The following RGS18 variants were observed in gnomAD, a reference collection of about 807,000 sequenced individuals.
The protein encoded by RGS18 is regulator of G-protein signaling 18.
Under a neutral mutation model 27.6 loss-of-function variants are expected in RGS18, and 22 were observed. The observed-to-expected ratio is 0.80, with a 90% CI of 0.57 to 1.14. The LOEUF (loss-of-function observed/expected upper bound fraction) is 1.14, where lower values mean the gene tolerates loss of function less well. Among genes scored for constraint, RGS18 ranks in the 50% most tolerant of loss-of-function variants. The probability of loss-of-function intolerance (pLI) is 0.00; values close to 1 mark genes in which losing one functional copy is unlikely to be tolerated. For missense variants in RGS18, 299 were observed against 269.6 expected, an observed-to-expected ratio of 1.11 and a Z score of -0.76; for synonymous variants, 89 against 84.6, an observed-to-expected ratio of 1.05 and a Z score of -0.29.
rs1366515289 is a variant in RGS18 at position 192,160,891 on chromosome 1, C to G, written c.283+452C>G. 2.6e-5 allele frequency among the ~76,000 whole-genome samples: 4 copies of G among 152,138 alleles called. No individual in the cohort carries two copies. The South Asian group carries it at 6.2e-4, about 24-fold the overall frequency. On this transcript the variant is annotated intron_variant, in intron 3 of 4. Transcript: ENST00000367460. Reference sequence around the variant, plus strand: ...GTTTTGAGACGGAGTCTCGCTTTGTCGCCCAGGCTGGAGTGCAGTGGCGCC... The same window carrying G: ...GTTTTGAGACGGAGTCTCGCTTTGTGGCCCAGGCTGGAGTGCAGTGGCGCC...
At chr1:192,178,521 TGAG>T (rs1254416897) in intron 3 of RGS18, among the ~76,000 whole-genome samples, 1 of 151,614 alleles carries the variant, frequency 6.6e-6, no homozygotes, top group Non-Finnish European at 1.5e-5. Flanking sequence ...TAGCTGCCAT[TGAG>T]GAGAATTACA....
chr1:192,158,591 T>A lies in RGS18; in HGVS notation c.-47T>A, dbSNP rs778519472. 3.4e-5 allele frequency: 50 copies of A among 1,465,188 alleles called. No individual in the cohort carries two copies. The Admixed American group carries it at 1.2e-3, about 35-fold the overall frequency. 90.8% of individuals were successfully genotyped at this position (1,465,188 alleles called of 1,614,324 possible). On this transcript the variant is annotated 5_prime_UTR_variant, in exon 1 of 5. The change abolishes the stop of an existing upstream ORF in the 5' untranslated region. Transcript: ENST00000367460. ...TATGGAATAGTATTAATAAATGAAC[T>A]AGGGAAGGATGTAATAAATTAGACA...
chr1:192,181,787 C>A (rs1215150082), intron 4 of RGS18, among the ~76,000 whole-genome samples: 14 of 151,470 alleles, frequency 9.2e-5, no homozygotes. Flanking sequence ...TAATATAACA[C>A]CAGAACTTAT....
At position 192,184,279 on chromosome 1, in the gene RGS18, T is replaced by G. The variant is rs2102162583; in HGVS notation, c.451-18T>G. 1 of 1,599,592 alleles carries G rather than the reference T, an allele frequency of 6.3e-7. No individual in the cohort carries two copies. Among genetic ancestry groups the G allele is most frequent in the East Asian group, 2.3e-5 (1 of 44,432 alleles). ...TAAGCATATTAACTATAATCACACT[T>G]TTTTTCTGTTTATCCAGGTTAACCT... is the stretch of plus-strand genomic sequence containing the variant. On this transcript the variant is annotated intron_variant, in intron 4 of 4. Coordinates refer to ENST00000367460, the MANE Select transcript of RGS18 (RefSeq NM_130782.3).
intron 3 of RGS18, among the ~76,000 whole-genome samples, chr1:192,179,816 G>A (rs1656419944): frequency 6.6e-6 from 1 of 151,488 alleles, no homozygotes; most frequent in African/African-American, 2.4e-5. Flanking sequence ...TTACATGTGG[G>A]GAGATGTAAA....
intron 4 of RGS18, 78 bp from the exon 5 acceptor site, chr1:192,184,219 C>A: frequency 7.5e-7 from 1 of 1,332,076 alleles, no homozygotes; most frequent in East Asian, 2.4e-5. Context: ...TCCAACATTG[C>A]ATCAGTCCTG....
intron 3 of RGS18, among the ~76,000 whole-genome samples, chr1:192,165,626 A>T (rs1200243651): frequency 6.6e-6 from 1 of 152,242 alleles, no homozygotes; most frequent in African/African-American, 2.4e-5. Flanking sequence ...ACTTAGGGAA[A>T]ATAGAAAAGA....
rs1656027697 is a variant in RGS18 at position 192,159,226 on chromosome 1, G to A, written c.126G>A (p.Lys42=). The change falls in exon 2 of 5, where the codon AAG becomes AAA. Residue 42 remains lysine (K), a synonymous_variant. Transcript: ENST00000367460. ...ETSKEAKIRA[K]EKRNRLSLLV... Reference sequence around the variant, plus strand: ...GAAGGCCTTTTTATTACAGAGCTAAGGAAAAAAGAAATAGACTAAGTCTTC... The same window carrying A: ...GAAGGCCTTTTTATTACAGAGCTAAAGAAAAAAGAAATAGACTAAGTCTTC... 11 of 1,610,474 alleles carry A rather than the reference G, an allele frequency of 6.8e-6. No homozygotes were observed. The highest frequency in any genetic ancestry group is 9.3e-6 in the Non-Finnish European group (11 of 1,177,012).
At chr1:192,164,358 C>T (rs369386926) in intron 3 of RGS18, among the ~76,000 whole-genome samples, 2 of 152,060 alleles carry the variant, frequency 1.3e-5, no homozygotes, top group African/African-American at 4.8e-5. Flanking sequence ...GGGATGGTGG[C>T]TTAGGGTGAC....
At chr1:192,170,790 A>C (rs1656242065) in intron 3 of RGS18, among the ~76,000 whole-genome samples, 1 of 152,178 alleles carries the variant, frequency 6.6e-6, no homozygotes, top group South Asian at 2.1e-4. Context: ...ATACTTATTC[A>C]GCTTATTTCC....
At position 192,184,586 on chromosome 1, in the gene RGS18, A is replaced by T. The variant is rs1406063656; in HGVS notation, c.*32A>T. Reference sequence around the variant, plus strand: ...TTGATTTTGCTCATTTTTATGACAAACTTATACATCTGCTTCTAACATATC... The same window carrying T: ...TTGATTTTGCTCATTTTTATGACAATCTTATACATCTGCTTCTAACATATC... On this transcript the variant is annotated 3_prime_UTR_variant, in exon 5 of 5. Transcript: ENST00000367460. 1 of 1,589,922 alleles carries T rather than the reference A, an allele frequency of 6.3e-7. No individual in the cohort carries two copies.
chr1:192,173,514 G>A (rs1192578978), intron 3 of RGS18, among the ~76,000 whole-genome samples: 2 of 151,786 alleles, frequency 1.3e-5, no homozygotes, highest in Admixed American at 6.6e-5. Flanking sequence ...AAGCAAGTAT[G>A]TAAGATTAAA....
At chr1:192,180,922 G>A (rs1184191873) in intron 3 of RGS18, among the ~76,000 whole-genome samples, 3 of 151,640 alleles carry the variant, frequency 2.0e-5, no homozygotes, top group African/African-American at 7.3e-5. Flanking sequence ...TGTAGAAGTA[G>A]GATCCGTTCC....
chr1:192,177,968 A>C (rs1411551882), intron 3 of RGS18, among the ~76,000 whole-genome samples: 1 of 151,702 alleles, frequency 6.6e-6, no homozygotes, highest in Non-Finnish European at 1.5e-5. Context: ...GAGGATGGAG[A>C]AAGAGACAAG....
rs2102163144 is a variant in RGS18, at chr1:192,185,093, T to C, written c.*539T>C. On this transcript the variant is annotated 3_prime_UTR_variant, in exon 5 of 5. Transcript: ENST00000367460. ...ACTACTAACCCTGTCCCAAGAATAG[T>C]AATATCACCTCTAGTTATAAGCCAG... 1 of 153,104 alleles carries C rather than the reference T, an allele frequency of 6.5e-6. No individual in the cohort carries two copies. The highest frequency in any genetic ancestry group is 6.5e-5 in the Admixed American group (1 of 15,436). 9.5% of individuals were successfully genotyped at this position (153,104 alleles called of 1,614,324 possible).
At position 192,181,289 on chromosome 1, in the gene RGS18, T is replaced by C. The variant is rs1656447747; in HGVS notation, c.284-3T>C. ...ATAGTTATATTATTTATTTTCTTGA[T>C]AGATGGACTAGAGGCTTTTACCAGA... On this transcript the variant is annotated splice_polypyrimidine_tract_variant and splice_region_variant and intron_variant, in intron 3 of 4. Transcript: ENST00000367460. 7.1e-7 allele frequency: 1 copy of C among 1,416,492 alleles called. No homozygotes were observed. Among genetic ancestry groups the C allele is most frequent in the Non-Finnish European group, 9.6e-7 (1 of 1,040,120 alleles). 87.7% of individuals were successfully genotyped at this position (1,416,492 alleles called of 1,614,324 possible). A position where few individuals can be genotyped will look rare whatever the true frequency, so the allele number is the denominator to read the frequency against.
intron 3 of RGS18, among the ~76,000 whole-genome samples, chr1:192,171,541 A>G (rs919321896): frequency 6.6e-6 from 1 of 152,116 alleles, no homozygotes; most frequent in African/African-American, 2.4e-5. Context: ...ACTGAGGAAA[A>G]GAAATGGCAG....
At chr1:192,160,720 T>C (rs1656054863) in intron 3 of RGS18, 1 of 358,428 alleles carries the variant, frequency 2.8e-6, no homozygotes, top group South Asian at 6.5e-5. Flanking sequence ...TTGAATGAAA[T>C]CTTCGGTTTT....
intron 3 of RGS18, chr1:192,163,732 C>G (rs1333324443): frequency 6.6e-6 from 1 of 151,678 alleles, no homozygotes; most frequent in Non-Finnish European, 1.5e-5. Context: ...ATTTTTATTA[C>G]AATGCTTATA....
Sources: gnomAD v4.1 joint callset for allele counts (sites outside exome capture counted in the v4.1 genomes callset) on GRCh38, gnomAD v4.1.1 for gene constraint, MANE v1.5 for transcripts, NCBI Gene and HGNC (gene_info 2026-07-23, HGNC 2026-07-21) for gene names.